Variants in PREX1 observed in about 807,000 individuals in gnomAD.
The protein encoded by PREX1 is phosphatidylinositol-3,4,5-trisphosphate dependent Rac exchange factor 1, also known as phosphatidylinositol 3,4,5-trisphosphate-dependent Rac exchanger 1 protein.
In PREX1, 41 loss-of-function variants were observed where a neutral mutation model predicts 198.3. That is an observed-to-expected ratio of 0.21 (90% confidence interval 0.16 to 0.27). PREX1 has a LOEUF of 0.27. Ranked by LOEUF, PREX1 falls within the 10% of genes least tolerant of loss-of-function variation. The probability of loss-of-function intolerance (pLI) is 1.00; values close to 1 mark genes in which losing one functional copy is unlikely to be tolerated. For missense variants in PREX1, 1,620 were observed against 2,200.7 expected, an observed-to-expected ratio of 0.74 and a Z score of 5.28; for synonymous variants, 843 against 887.2, an observed-to-expected ratio of 0.95 and a Z score of 0.89.
intron 1 of PREX1, among the ~76,000 whole-genome samples, chr20:48,812,843 T>G (rs1438203677): frequency 6.6e-6 from 1 of 152,194 alleles, no homozygotes; most frequent in Non-Finnish European, 1.5e-5. Flanking sequence ...TGGAGAGCAT[T>G]TAGCAGTGAC....
chr20:48,814,152 A>G (rs1168594770), intron 1 of PREX1, among the ~76,000 whole-genome samples: 2 of 152,220 alleles, frequency 1.3e-5, no homozygotes, highest in Admixed American at 1.3e-4. Flanking sequence ...CATGGCCAGG[A>G]AGGCCTCTGC....
chr20:48,755,236 G>T (rs2090151555), intron 1 of PREX1, among the ~76,000 whole-genome samples: 1 of 152,056 alleles, frequency 6.6e-6, no homozygotes, highest in African/African-American at 2.4e-5. Context: ...TCTCACTGTT[G>T]GTTAAATAAA....
At chr20:48,673,291 C>T (rs1451756702) in intron 14 of PREX1, among the ~76,000 whole-genome samples, 1 of 152,226 alleles carries the variant, frequency 6.6e-6, no homozygotes, top group South Asian at 2.1e-4. Context: ...GTATTTCCAT[C>T]GGCCTAATGC....
chr20:48,626,064 A>G, intron 39 of PREX1, 137 bp from the exon 40 acceptor site: 1 of 970,432 alleles, frequency 1.0e-6, no homozygotes, highest in Non-Finnish European at 1.5e-6. Flanking sequence ...GCAGAGAAAA[A>G]TATCTATGCT....
chr20:48,838,601 T>C, the PREX1 span, among the ~76,000 whole-genome samples: 1 of 152,152 alleles, frequency 6.6e-6, no homozygotes, highest in Non-Finnish European at 1.5e-5. Flanking sequence ...AAAATGCTCA[T>C]GATACATAGA....
chr20:48,731,069 T>A (rs1393353195), intron 4 of PREX1, among the ~76,000 whole-genome samples: 1 of 152,182 alleles, frequency 6.6e-6, no homozygotes, highest in East Asian at 1.9e-4. Context: ...ATTACCTGGT[T>A]TCTTTCAATC....
intron 5 of PREX1, among the ~76,000 whole-genome samples, chr20:48,716,344 C>T (rs368631366): frequency 1.6e-4 from 25 of 152,324 alleles, no homozygotes; most frequent in African/African-American, 5.8e-4. Flanking sequence ...CCAAAGGTGC[C>T]CGCTCTGAGC....
intron 7 of PREX1, among the ~76,000 whole-genome samples, chr20:48,695,390 G>A (rs1043493412): frequency 2.6e-5 from 4 of 152,202 alleles, no homozygotes; most frequent in African/African-American, 7.2e-5. Flanking sequence ...ATTCCTGCAC[G>A]TGCCTGACAA....
chr20:48,765,034 G>C (rs2090202249), intron 1 of PREX1, among the ~76,000 whole-genome samples: 1 of 152,144 alleles, frequency 6.6e-6, no homozygotes, highest in Admixed American at 6.5e-5. Context: ...CTGACCTCCA[G>C]AAGTGTAAGA....
intron 7 of PREX1, among the ~76,000 whole-genome samples, chr20:48,696,810 C>T (rs969247958): frequency 6.6e-6 from 1 of 152,032 alleles, no homozygotes; most frequent in Non-Finnish European, 1.5e-5. Flanking sequence ...GGCTCCTGGG[C>T]AAATTTCTTC....
At chr20:48,793,416 G>T (rs1046467397) in intron 1 of PREX1, among the ~76,000 whole-genome samples, 2 of 152,146 alleles carry the variant, frequency 1.3e-5, no homozygotes, top group Non-Finnish European at 2.9e-5. Context: ...ATTCCTTATG[G>T]CATGTGAATT....
At chr20:48,884,994 C>T in the PREX1 span, among the ~76,000 whole-genome samples, 5 of 152,114 alleles carry the variant, frequency 3.3e-5, no homozygotes, top group Non-Finnish European at 2.9e-5. Flanking sequence ...TGTGTTGGAC[C>T]CCCAGGTCCA....
intron 1 of PREX1, 33 bp from the exon 2 acceptor site, chr20:48,747,913 C>A (rs376286089): frequency 6.3e-7 from 1 of 1,582,852 alleles, no homozygotes; most frequent in Admixed American, 1.7e-5. Flanking sequence ...GGTGAGTGTC[C>A]GCGTCTCCAG....
intron 6 of PREX1, among the ~76,000 whole-genome samples, chr20:48,703,998 C>A (rs2089889498): frequency 1.3e-5 from 2 of 152,168 alleles, no homozygotes; most frequent in Non-Finnish European, 2.9e-5. Flanking sequence ...CACACTCAGC[C>A]ACGCTGGAGA....
At chr20:48,806,393 G>T (rs937528704) in intron 1 of PREX1, among the ~76,000 whole-genome samples, 6 of 152,152 alleles carry the variant, frequency 3.9e-5, no homozygotes, top group East Asian at 3.8e-4. Context: ...TTACATACAG[G>T]TCTGCCCCAC....
Position 48,639,858 on chromosome 20 carries a change from C to A in PREX1, c.3812G>T (p.Arg1271Leu). ...KQKEECTIRGRSLIQISIQED... is the reference protein window; with the variant it reads ...KQKEECTIRGLSLIQISIQED... Reference sequence around the variant, plus strand: ...CTGGATGCTAATCTGGATCAGGCTCCGGCCACGGATTGTACACTCTTCTTT... The same window carrying A: ...CTGGATGCTAATCTGGATCAGGCTCAGGCCACGGATTGTACACTCTTCTTT... Residue 1271 changes from arginine (R) to leucine (L), a missense_variant, in exon 30 of 40, where the codon CGG becomes CTG. Around this residue, in one of 7 missense-constraint regions of PREX1, gnomAD observed 476 missense variants for 603.4 expected, o/e 0.79. Coordinates refer to ENST00000371941, the MANE Select transcript of PREX1 (RefSeq NM_020820.4). 1.2e-6 allele frequency: 2 copies of A among 1,614,010 alleles called. No homozygotes were observed. Among genetic ancestry groups the A allele is most frequent in the Non-Finnish European group, 1.7e-6 (2 of 1,179,950 alleles).
At chr20:48,869,485 A>AC in the PREX1 span, among the ~76,000 whole-genome samples, 1,987 of 151,608 alleles carry the variant, frequency 0.013, 41 homozygotes, top group African/African-American at 0.045. Context: ...ATTTGATTTA[A>AC]CCCACCCCCA....
chr20:48,729,432 C>G lies in PREX1; in HGVS notation c.520-3041G>C, dbSNP rs2090024639. On this transcript the variant is annotated intron_variant, in intron 4 of 39. Transcript: ENST00000371941. The stretch of plus-strand genomic sequence containing the variant: ...ATATTGAAAACACTCAGGTTTATCT[C>G]TCTAGCCCCTAAACTCCCGACTAGA... Among the ~76,000 whole-genome samples the G allele has an allele frequency of 2.0e-5, 3 of 152,028 alleles. No individual in the cohort carries two copies. The South Asian group carries it at 6.2e-4, about 32-fold the overall frequency.
the PREX1 span, among the ~76,000 whole-genome samples, chr20:48,884,279 A>T: frequency 6.6e-6 from 1 of 152,376 alleles, no homozygotes; most frequent in African/African-American, 2.4e-5. Context: ...TCCTGATTTT[A>T]AAACTTACTA....
Sources: allele counts gnomAD v4.1 joint callset (sites outside exome capture counted in the v4.1 genomes callset), GRCh38; gene constraint gnomAD v4.1.1; regional missense constraint gnomAD v4.1.1; transcripts MANE v1.5; gene names NCBI Gene and HGNC (gene_info 2026-07-23, HGNC 2026-07-21).